ZNF451: variants seen among roughly 807,000 people sequenced by gnomAD.
ZNF451 encodes the protein E3 SUMO-protein ligase ZNF451.
ZNF451 carries 80 observed loss-of-function variants against 107.1 expected under a neutral mutation model. The observed-to-expected ratio is 0.75, with a 90% CI of 0.62 to 0.90. ZNF451 has a LOEUF of 0.90. Among genes scored for constraint, ZNF451 ranks in the 40% least tolerant of loss-of-function variants. ZNF451 has a pLI of 0.00. For missense variants in ZNF451, 1,107 were observed against 1,236.2 expected (o/e 0.90, Z 1.57); for synonymous variants, 362 against 406.5 (o/e 0.89, Z 1.32).
At chr6:57,162,135 A>G (rs953690220) in intron 14 of ZNF451, among the ~76,000 whole-genome samples, 5 of 152,196 alleles carry the variant, frequency 3.3e-5, no homozygotes, top group Non-Finnish European at 7.4e-5. Context: ...TTAAAGAAAA[A>G]CAGTAGGAGT....
rs1413311332 is a variant in ZNF451, at chr6:57,148,230, G to C, written c.2145G>C (p.Glu715Asp). ...IKTEDDFPVIETSNQLTCGCR... is the reference protein window; with the variant it reads ...IKTEDDFPVIDTSNQLTCGCR... ...CCGAAGATGATTTTCCAGTAATAGA[G>C]ACCAGTAACCAGTTAACTTGTGGTT... The change falls in exon 10 of 15, where the codon GAG (glutamate) becomes GAC (aspartate). Residue 715 changes from glutamate (E) to aspartate (D), a missense_variant. Physicochemically the swap from Glu to Asp is conservative, Grantham distance 45. Around this residue, in one of 5 missense-constraint regions of ZNF451, gnomAD observed 608 missense variants for 649.2 expected, o/e 0.94. Transcript: ENST00000370706. 1 of 1,613,954 alleles carries C rather than the reference G, an allele frequency of 6.2e-7. No homozygotes were observed. The highest frequency in any genetic ancestry group is 1.1e-5 in the South Asian group (1 of 91,058).
chr6:57,126,948 A>G (rs1322557511), intron 4 of ZNF451, among the ~76,000 whole-genome samples: 6 of 152,200 alleles, frequency 3.9e-5, no homozygotes, highest in African/African-American at 1.4e-4. Flanking sequence ...TAAGTATGCT[A>G]GTAGTTGGTA....
rs1764002062 is a variant in ZNF451, at chr6:57,168,513, G to C, written c.*44G>C. ...AACATCAAGTGGCCTTGAAGAGACT[G>C]AGATAACGAATTCTTGAGTTTGTTT... On this transcript the variant is annotated 3_prime_UTR_variant, in exon 15 of 15. Coordinates refer to ENST00000370706, the MANE Select transcript of ZNF451 (RefSeq NM_001031623.3). 1 of 1,475,460 alleles carries C rather than the reference G, an allele frequency of 6.8e-7. No individual in the cohort carries two copies. Among genetic ancestry groups the C allele is most frequent in the Admixed American group, 1.8e-5 (1 of 54,350 alleles). 91.4% of individuals were successfully genotyped at this position (1,475,460 alleles called of 1,614,324 possible).
At chr6:57,096,520 T>TTTACCG (rs1829322896) in intron 2 of ZNF451, among the ~76,000 whole-genome samples, 1 of 150,066 alleles carries the variant, frequency 6.7e-6, no homozygotes, top group Admixed American at 6.6e-5. Context: ...CATTTTACTT[T>TTTACCG]TTACCTTGCA....
At chr6:57,104,311 A>C in intron 3 of ZNF451, 4 of 985,408 alleles carry the variant, frequency 4.1e-6, no homozygotes, top group Non-Finnish European at 4.8e-6. Context: ...TTTATCTTAG[A>C]GGACTTGCCA....
intron 3 of ZNF451, among the ~76,000 whole-genome samples, chr6:57,123,418 C>T (rs996614178): frequency 6.6e-6 from 1 of 152,136 alleles, no homozygotes; most frequent in Non-Finnish European, 1.5e-5. Flanking sequence ...AACAGAAAAA[C>T]GAGTACCATA....
chr6:57,130,791 G>A (rs1483285583), intron 5 of ZNF451, among the ~76,000 whole-genome samples: 1 of 152,162 alleles, frequency 6.6e-6, no homozygotes, highest in Non-Finnish European at 1.5e-5. Flanking sequence ...TTCAAGATTA[G>A]TGTTTTCTCT....
At chr6:57,168,138 T>G (rs555544308) in intron 14 of ZNF451, among the ~76,000 whole-genome samples, 1 of 152,314 alleles carries the variant, frequency 6.6e-6, no homozygotes, top group African/African-American at 2.4e-5. Context: ...AAACAAATGA[T>G]TACCTGTCAG....
At chr6:57,103,641 A>G in intron 3 of ZNF451, 1 of 985,366 alleles carries the variant, frequency 1.0e-6, no homozygotes, top group Non-Finnish European at 1.2e-6. Context: ...TTGGCAGCCA[A>G]AAACAGTTGT....
Position 57,161,123 on chromosome 6 carries a change from C to A in ZNF451, c.3110C>A (p.Ser1037Ter). Residue 1037 changes from serine (S) to a stop codon, truncating the protein, a stop_gained, in exon 14 of 15, where the codon TCA (serine) becomes TAA (stop). Coordinates refer to ENST00000370706, the MANE Select transcript of ZNF451 (RefSeq NM_001031623.3). LOFTEE classifies it high-confidence loss of function. ...GATAACATGGGTGCCAAAAATACTTCAATAGGAGAAGAATTTATATCCACA... is the reference window on the plus strand; with the variant it reads ...GATAACATGGGTGCCAAAAATACTTAAATAGGAGAAGAATTTATATCCACA... ...SDDNMGAKNTSIGEEFISTED... is the reference protein window; with the variant it reads ...SDDNMGAKNT 6.5e-7 allele frequency: 1 copy of A among 1,550,182 alleles called. No individual in the cohort carries two copies. Among genetic ancestry groups the A allele is most frequent in the Non-Finnish European group, 8.7e-7 (1 of 1,152,698 alleles).
At chr6:57,150,975 A>G (rs920123533) in intron 11 of ZNF451, 113 bp downstream of exon 11, 4 of 1,271,686 alleles carry the variant, frequency 3.1e-6, no homozygotes, top group African/African-American at 3.0e-5. Flanking sequence ...CATAATTGGA[A>G]TATTGTTCTT....
chr6:57,102,077 G>A (rs748780104), intron 3 of ZNF451: 15 of 1,517,204 alleles, frequency 9.9e-6, no homozygotes, highest in Non-Finnish European at 1.3e-5. Flanking sequence ...TCTCCAGAAC[G>A]CCATGGGTAC....
At chr6:57,108,981 A>C (rs1829994765) in intron 3 of ZNF451, 1 of 985,268 alleles carries the variant, frequency 1.0e-6, no homozygotes, top group Admixed American at 6.2e-5. Flanking sequence ...AGCCCCATTC[A>C]AGTTTTACTT....
chr6:57,162,816 A>G (rs1166012439), intron 14 of ZNF451, among the ~76,000 whole-genome samples: 1 of 152,326 alleles, frequency 6.6e-6, no homozygotes, highest in African/African-American at 2.4e-5. Flanking sequence ...TATGTACCAC[A>G]TATTATCTAT....
chr6:57,163,435 A>AATTTTTTTTTTTTTTT (rs1562631987), intron 14 of ZNF451, among the ~76,000 whole-genome samples: 1 of 50,876 alleles, frequency 2.0e-5, no homozygotes, highest in African/African-American at 6.4e-5. Context: ...AAATGAATAA[A>AATTTTTTTTTTTTTTT]CTTTTTTTTT....
intron 3 of ZNF451, chr6:57,102,455 AG>A (rs1253041326): frequency 1.0e-6 from 1 of 1,000,986 alleles, no homozygotes; most frequent in Non-Finnish European, 1.2e-6. Context: ...TTGTAAACTG[AG>A]GACTAGCAGA....
chr6:57,152,439 ATCAT>A, intron 12 of ZNF451, 88 bp downstream of exon 12: 1 of 1,451,420 alleles, frequency 6.9e-7, no homozygotes, highest in South Asian at 1.2e-5. Flanking sequence ...AGACTTATAG[ATCAT>A]TCTTCAGTAC....
chr6:57,103,457 C>T (rs1023587120), intron 3 of ZNF451: 1 of 985,266 alleles, frequency 1.0e-6, no homozygotes, highest in Non-Finnish European at 1.2e-6. Context: ...TTTCACCATA[C>T]TGGAACTGGC....
At position 57,147,594 on chromosome 6, in the gene ZNF451, T is replaced by C. The variant is rs763850017; in HGVS notation, c.1509T>C (p.Cys503=). Residue 503 remains cysteine, a synonymous_variant, in exon 10 of 15, where the codon TGT becomes TGC. Coordinates refer to ENST00000370706, the MANE Select transcript of ZNF451 (RefSeq NM_001031623.3). ...CAATGGGTTATAAATGTGTGGTCTG[T>C]GGAAAGGTATGTGATGATTCAGGGG... ...ANTMGYKCVV[C]GKVCDDSGVI... 3 of 1,614,064 alleles carry C rather than the reference T, an allele frequency of 1.9e-6. No homozygotes were observed. The highest frequency in any genetic ancestry group is 2.5e-6 in the Non-Finnish European group (3 of 1,179,976).
Sources: allele counts gnomAD v4.1 joint callset (sites outside exome capture counted in the v4.1 genomes callset), GRCh38; gene constraint gnomAD v4.1.1; regional missense constraint gnomAD v4.1.1; transcripts MANE v1.5; gene names NCBI Gene and HGNC (gene_info 2026-07-23, HGNC 2026-07-21).